The following SLC35E4 variants were observed in gnomAD, a reference collection of about 807,000 sequenced individuals.
SLC35E4 encodes solute carrier family 35 member E4, also known as solute carrier family 35, member E4.
SLC35E4 carries 15 observed loss-of-function variants against 19.3 expected under a neutral mutation model. That is an observed-to-expected ratio of 0.78 (90% CI 0.52 to 1.20). The LOEUF is 1.20. SLC35E4 is among the 50% of genes most tolerant of loss of function. The pLI, the probability that SLC35E4 is intolerant of heterozygous loss-of-function variation, is 0.00. For synonymous variants in SLC35E4, 219 were observed against 219.9 expected, an observed-to-expected ratio of 1.00 and a Z score of 0.04; for missense variants, 406 against 472.3, an observed-to-expected ratio of 0.86 and a Z score of 1.30.
intron 2 of SLC35E4, chr22:30,654,920 C>T (rs1399684767): frequency 6.0e-6 from 1 of 166,426 alleles, no homozygotes; most frequent in East Asian, 1.9e-4. Context: ...CCCTGGAACC[C>T]TGTTTGAAAA....
intron 1 of SLC35E4, among the ~76,000 whole-genome samples, chr22:30,643,613 C>T (rs1318571295): frequency 6.6e-6 from 1 of 151,994 alleles, no homozygotes; most frequent in Non-Finnish European, 1.5e-5. Context: ...CGGGGTGAGC[C>T]GGCATCAAGG....
At chr22:30,659,286 G>C (rs1211319125) in intron 2 of SLC35E4, among the ~76,000 whole-genome samples, 2 of 152,060 alleles carry the variant, frequency 1.3e-5, no homozygotes, top group African/African-American at 4.8e-5. Context: ...AAAATGCCTA[G>C]GATACAATCA....
At chr22:30,639,082 G>T (rs944756986) in intron 1 of SLC35E4, among the ~76,000 whole-genome samples, 1 of 152,224 alleles carries the variant, frequency 6.6e-6, no homozygotes, top group Non-Finnish European at 1.5e-5. Flanking sequence ...ATTCACCCCT[G>T]ATATTTCACG....
At chr22:30,664,091 G>T, downstream of SLC35E4, 1 of 1,323,766 alleles carries the variant, frequency 7.6e-7, no homozygotes, top group Non-Finnish European at 1.0e-6. Context: ...CTGCAGAGAG[G>T]GAGAGGATGT....
At chr22:30,645,327 C>T (rs2088110433) in intron 1 of SLC35E4, among the ~76,000 whole-genome samples, 1 of 152,098 alleles carries the variant, frequency 6.6e-6, no homozygotes, top group Non-Finnish European at 1.5e-5. Context: ...GGTGCACTGG[C>T]TCAACGCCTG....
intron 1 of SLC35E4, among the ~76,000 whole-genome samples, chr22:30,641,148 A>C (rs2088029170): frequency 1.3e-5 from 2 of 152,238 alleles, no homozygotes; most frequent in South Asian, 4.1e-4. Context: ...TCCTAACCTC[A>C]AGGCCCATGC....
intron 2 of SLC35E4, among the ~76,000 whole-genome samples, chr22:30,657,654 C>T (rs5753265): frequency 0.45 from 67,967 of 151,296 alleles, 18,347 homozygotes; most frequent in South Asian, 0.64. Context: ...CCTGTAATCC[C>T]AGTACTTTGG....
intron 1 of SLC35E4, among the ~76,000 whole-genome samples, chr22:30,637,444 A>G (rs973469776): frequency 7.2e-5 from 11 of 152,066 alleles, no homozygotes; most frequent in African/African-American, 2.7e-4. Context: ...CGCTAAGCTA[A>G]TTTTTGTATT....
chr22:30,649,582 G>A (rs552124414), downstream of SLC35E4, among the ~76,000 whole-genome samples: 3 of 135,894 alleles, frequency 2.2e-5, no homozygotes, highest in Admixed American at 7.4e-5. Context: ...GGGGAAGTCG[G>A]CCTGGGCTGA....
chr22:30,667,021 A>G (rs2088697407), downstream of SLC35E4: 1 of 152,184 alleles, frequency 6.6e-6, no homozygotes, highest in African/African-American at 2.4e-5. Flanking sequence ...ATCACAAAAG[A>G]TCTAAAGAAC....
chr22:30,667,187 A>G (rs1205019549), downstream of SLC35E4: 1 of 152,226 alleles, frequency 6.6e-6, no homozygotes, highest in Non-Finnish European at 1.5e-5. Flanking sequence ...TTTCCATTTT[A>G]CAAAAGAGGA....
At chr22:30,655,974 A>G (rs1426377855) in intron 2 of SLC35E4, among the ~76,000 whole-genome samples, 1 of 151,594 alleles carries the variant, frequency 6.6e-6, no homozygotes, top group Admixed American at 6.6e-5. Context: ...TTGAGGCACC[A>G]CTGCACTGCA....
intron 1 of SLC35E4, among the ~76,000 whole-genome samples, chr22:30,639,065 G>A (rs753785441): frequency 1.4e-4 from 22 of 152,180 alleles, no homozygotes; most frequent in African/African-American, 2.2e-4. Context: ...GCCAGATATC[G>A]GGCGAAATTC....
chr22:30,643,510 G>A (rs554623206), intron 1 of SLC35E4, among the ~76,000 whole-genome samples: 2 of 152,122 alleles, frequency 1.3e-5, no homozygotes, highest in Non-Finnish European at 2.9e-5. Context: ...TACTGAAGGA[G>A]GAGGAAAGGG....
intron 2 of SLC35E4, among the ~76,000 whole-genome samples, chr22:30,658,577 G>C (rs906492416): frequency 2.0e-5 from 3 of 151,832 alleles, no homozygotes; most frequent in Non-Finnish European, 4.4e-5. Context: ...TGGAGGGTGC[G>C]TAACAAGCAG....
chr22:30,666,015 G>A (rs2088640968), downstream of SLC35E4, among the ~76,000 whole-genome samples: 1 of 152,174 alleles, frequency 6.6e-6, no homozygotes, highest in Non-Finnish European at 1.5e-5. Flanking sequence ...ACCTGCCAAT[G>A]CCCCAGACTC....
chr22:30,659,860 G>A (rs2088423596), intron 2 of SLC35E4, among the ~76,000 whole-genome samples: 1 of 152,140 alleles, frequency 6.6e-6, no homozygotes, highest in Non-Finnish European at 1.5e-5. Context: ...CTCTCTGGCT[G>A]GACTTAGATG....
downstream of SLC35E4, among the ~76,000 whole-genome samples, chr22:30,650,070 G>T (rs2088184423): frequency 6.7e-6 from 1 of 149,536 alleles, no homozygotes; most frequent in African/African-American, 2.5e-5. Context: ...GGTGGCTCAC[G>T]CCTGTAATCC....
chr22:30,658,049 G>A (rs186786679), intron 2 of SLC35E4, among the ~76,000 whole-genome samples: 1 of 151,782 alleles, frequency 6.6e-6, no homozygotes, highest in African/African-American at 2.4e-5. Flanking sequence ...TGAGGCTGCA[G>A]TGGGCGGTGA....
Sources: gnomAD v4.1 joint callset for allele counts (sites outside exome capture counted in the v4.1 genomes callset) on GRCh38, gnomAD v4.1.1 for gene constraint, MANE v1.5 for transcripts, NCBI Gene and HGNC (gene_info 2026-07-23, HGNC 2026-07-21) for gene names.